LPXN: variants seen among roughly 807,000 people sequenced by gnomAD.
LPXN encodes the protein leupaxin.
A neutral mutation model predicts 45.6 loss-of-function variants in LPXN; 28 were observed. The ratio of observed to expected loss-of-function variants is 0.61; its 90% CI spans 0.45 to 0.84. The LOEUF is 0.84. LPXN is among the 40% of genes least tolerant of loss of function. The pLI, the probability that LPXN is intolerant of heterozygous loss-of-function variation, is 0.00. For missense variants in LPXN, 459 were observed against 475.0 expected (o/e 0.97, Z 0.31); for synonymous variants, 166 against 169.9 (o/e 0.98, Z 0.18).
chr11:58,578,067 C>A, upstream of LPXN: 1 of 1,550,040 alleles, frequency 6.5e-7, no homozygotes, highest in Non-Finnish European at 8.7e-7. Context: ...TAGCCAGTCC[C>A]AGAGGAGGTG....
At chr11:58,569,065 C>T (rs536184651) in intron 2 of LPXN, among the ~76,000 whole-genome samples, 2 of 152,288 alleles carry the variant, frequency 1.3e-5, no homozygotes, top group African/African-American at 2.4e-5. Context: ...GAGATAAATT[C>T]GTATCGTTAA....
intron 1 of LPXN, among the ~76,000 whole-genome samples, chr11:58,575,259 C>T (rs570856751): frequency 6.6e-6 from 1 of 152,298 alleles, no homozygotes; most frequent in East Asian, 1.9e-4. Context: ...TGATTTAATA[C>T]TAAAACATGG....
At chr11:58,562,812 T>C (rs5792109) in intron 3 of LPXN, among the ~76,000 whole-genome samples, 18 of 1,046 alleles carry the variant, frequency 0.017, no homozygotes, top group South Asian at 0.14. Context: ...GAGCGACTTG[T>C]GGGGGGGAAA....
chr11:58,577,244 T>G (rs1854921937), upstream of LPXN, among the ~76,000 whole-genome samples: 1 of 152,100 alleles, frequency 6.6e-6, no homozygotes, highest in African/African-American at 2.4e-5. Flanking sequence ...ACAAACTCAA[T>G]CTTAAAAAAT....
At chr11:58,573,922 A>G (rs1425510791) in intron 1 of LPXN, among the ~76,000 whole-genome samples, 1 of 152,192 alleles carries the variant, frequency 6.6e-6, no homozygotes, top group Non-Finnish European at 1.5e-5. Flanking sequence ...CCTAATGCCT[A>G]CGTAATGAGG....
intron 1 of LPXN, among the ~76,000 whole-genome samples, chr11:58,573,187 G>T (rs1590592735): frequency 6.6e-6 from 1 of 151,090 alleles, no homozygotes; most frequent in Admixed American, 6.6e-5. Flanking sequence ...CAGAGGTTGC[G>T]GTGAGCCGAG....
At chr11:58,535,757 A>G (rs1473562686) in intron 7 of LPXN, among the ~76,000 whole-genome samples, 1 of 152,232 alleles carries the variant, frequency 6.6e-6, no homozygotes, top group African/African-American at 2.4e-5. Flanking sequence ...ACATGATTGT[A>G]TATTTAGAAA....
chr11:58,576,507 AT>A (rs1041266217), upstream of LPXN, among the ~76,000 whole-genome samples: 2 of 152,186 alleles, frequency 1.3e-5, no homozygotes, highest in African/African-American at 4.8e-5. Flanking sequence ...CCTTATAGCA[AT>A]TTCTTTGGAA....
At chr11:58,529,452 T>C (rs1327859998) in intron 7 of LPXN, among the ~76,000 whole-genome samples, 3 of 151,288 alleles carry the variant, frequency 2.0e-5, no homozygotes, top group African/African-American at 4.9e-5. Context: ...CTACTAAAAA[T>C]ACAAAAAATT....
chr11:58,534,929 AT>A (rs1202272477), intron 7 of LPXN, among the ~76,000 whole-genome samples: 1 of 152,244 alleles, frequency 6.6e-6, no homozygotes, highest in African/African-American at 2.4e-5. Context: ...GAAGAAATGG[AT>A]AAATTCCTGG....
At chr11:58,555,721 G>A (rs1421862450) in intron 3 of LPXN, among the ~76,000 whole-genome samples, 1 of 150,126 alleles carries the variant, frequency 6.7e-6, no homozygotes, top group Non-Finnish European at 1.5e-5. Context: ...TTTCAAACCA[G>A]TTAGAAATAG....
rs181980486 is a variant in LPXN, at chr11:58,531,434, G to T, written c.743-3243C>A. Reference sequence around the variant, plus strand: ...ATACACAAGTATCAATAGCTGAATTGATCAAGCAGAAGAAAGGATATAAGA... The same window carrying T: ...ATACACAAGTATCAATAGCTGAATTTATCAAGCAGAAGAAAGGATATAAGA... On this transcript the variant is annotated intron_variant, in intron 7 of 8. Transcript: ENST00000395074. 4.0e-3 allele frequency among the ~76,000 whole-genome samples: 607 copies of T among 151,794 alleles called. 1 individual carries two copies. Among genetic ancestry groups the T allele is most frequent in the Non-Finnish European group, 6.8e-3 (459 of 67,980 alleles).
intron 3 of LPXN, among the ~76,000 whole-genome samples, chr11:58,557,419 T>C (rs543885546): frequency 6.6e-6 from 1 of 152,190 alleles, no homozygotes; most frequent in South Asian, 2.1e-4. Flanking sequence ...ATAGCATTGA[T>C]GAATTGGAAG....
intron 4 of LPXN, among the ~76,000 whole-genome samples, chr11:58,553,057 C>T (rs532760630): frequency 9.9e-5 from 15 of 152,092 alleles, no homozygotes; most frequent in Admixed American, 7.9e-4. Flanking sequence ...TAAATGGGGC[C>T]GGGCACAGTG....
intron 4 of LPXN, among the ~76,000 whole-genome samples, chr11:58,553,335 CAAA>C (rs35629114): frequency 7.3e-5 from 5 of 68,418 alleles, no homozygotes; most frequent in African/African-American, 6.7e-5. Flanking sequence ...GAATCTGTCT[CAAA>C]AAAAAAAAAA....
intron 3 of LPXN, among the ~76,000 whole-genome samples, chr11:58,562,812 T>A (rs5792109): frequency 9.6e-4 from 1 of 1,046 alleles, no homozygotes; most frequent in African/African-American, 1.2e-3. Flanking sequence ...GAGCGACTTG[T>A]GGGGGGGAAA....
At chr11:58,572,397 G>A (rs181973335) in intron 1 of LPXN, among the ~76,000 whole-genome samples, 142 of 151,582 alleles carry the variant, frequency 9.4e-4, no homozygotes, top group South Asian at 1.9e-3. Context: ...CTAAACTCTC[G>A]GGCAAATGAA....
chr11:58,533,144 G>A (rs537971175), intron 7 of LPXN, among the ~76,000 whole-genome samples: 51 of 152,242 alleles, frequency 3.3e-4, no homozygotes, highest in African/African-American at 1.1e-3. Flanking sequence ...AACAAACTCC[G>A]GACACACCAT....
chr11:58,569,390 T>C (rs574952209), intron 2 of LPXN, among the ~76,000 whole-genome samples: 7 of 152,200 alleles, frequency 4.6e-5, no homozygotes, highest in African/African-American at 1.7e-4. Context: ...TGTTTTTTTT[T>C]TGTTTGTTTG....
Sources: gnomAD v4.1 joint callset for allele counts (sites outside exome capture counted in the v4.1 genomes callset) on GRCh38, gnomAD v4.1.1 for gene constraint, MANE v1.5 for transcripts, NCBI Gene and HGNC (gene_info 2026-07-23, HGNC 2026-07-21) for gene names.